Variants in FCHSD2 observed in about 807,000 individuals in gnomAD.
FCHSD2 encodes FCH and double SH3 domains 2.
A neutral mutation model predicts 108.1 loss-of-function variants in FCHSD2; 38 were observed. The ratio of observed to expected loss-of-function variants is 0.35; its 90% CI spans 0.27 to 0.46. The LOEUF (loss-of-function observed/expected upper bound fraction) is 0.46, where lower values mean the gene tolerates loss of function less well. Ranked by LOEUF, FCHSD2 falls within the 20% of genes least tolerant of loss-of-function variation. The pLI, the probability that FCHSD2 is intolerant of heterozygous loss-of-function variation, is 1.00. For synonymous variants in FCHSD2, 279 were observed against 314.7 expected (o/e 0.89, Z 1.20); for missense variants, 751 against 897.8 (o/e 0.84, Z 2.09).
chr11:72,985,163 A>G, intron 6 of FCHSD2, 47 bp from the exon 7 acceptor site: 2 of 520,414 alleles, frequency 3.8e-6, no homozygotes, highest in Non-Finnish European at 6.6e-6. Context: ...ATCTAATTAT[A>G]TCACAATAAA....
At chr11:73,048,201 G>C (rs1434797553) in intron 3 of FCHSD2, among the ~76,000 whole-genome samples, 1 of 152,154 alleles carries the variant, frequency 6.6e-6, no homozygotes, top group Admixed American at 6.5e-5. Flanking sequence ...AGAGCAGCAG[G>C]ATATTTCTGT....
At chr11:72,940,821 C>T (rs1856401702) in intron 8 of FCHSD2, 6 of 879,624 alleles carry the variant, frequency 6.8e-6, no homozygotes, top group African/African-American at 1.6e-5. Context: ...GAGCTGGATG[C>T]CACTGTGGGG....
At chr11:72,959,503 G>C (rs1187521785) in intron 8 of FCHSD2, among the ~76,000 whole-genome samples, 1 of 151,794 alleles carries the variant, frequency 6.6e-6, no homozygotes, top group Non-Finnish European at 1.5e-5. Context: ...CCAAAGTGCT[G>C]GGATAACAGG....
intron 2 of FCHSD2, among the ~76,000 whole-genome samples, chr11:73,112,736 C>A (rs1591563497): frequency 6.6e-6 from 1 of 152,188 alleles, no homozygotes; most frequent in East Asian, 1.9e-4. Flanking sequence ...ACAACCTCTG[C>A]CTCCCAAGTT....
At chr11:72,950,798 G>A (rs1286637928) in intron 8 of FCHSD2, among the ~76,000 whole-genome samples, 2 of 152,024 alleles carry the variant, frequency 1.3e-5, no homozygotes, top group East Asian at 1.9e-4. Flanking sequence ...TAGTAGTTGC[G>A]GTGGAAACTA....
chr11:72,901,225 T>A (rs1033685158), intron 10 of FCHSD2, among the ~76,000 whole-genome samples: 1 of 151,826 alleles, frequency 6.6e-6, no homozygotes, highest in Non-Finnish European at 1.5e-5. Context: ...GACCCCCCCA[T>A]CTCTATTGAA....
chr11:73,116,532 T>C (rs990863515), intron 2 of FCHSD2, among the ~76,000 whole-genome samples: 14 of 152,200 alleles, frequency 9.2e-5, no homozygotes, highest in Admixed American at 7.2e-4. Context: ...TAATTCCTTC[T>C]TTCGTTTTTG....
intron 12 of FCHSD2, among the ~76,000 whole-genome samples, chr11:72,887,142 T>C (rs1855215291): frequency 6.6e-6 from 1 of 151,586 alleles, no homozygotes. Context: ...TATATATATA[T>C]CTAAATTGAT....
intron 3 of FCHSD2, among the ~76,000 whole-genome samples, chr11:73,026,493 T>C (rs541363687): frequency 3.3e-5 from 5 of 152,290 alleles, no homozygotes; most frequent in African/African-American, 1.2e-4. Flanking sequence ...TAAAATTTAT[T>C]TTAAAATAAA....
chr11:73,066,823 T>C (rs1369791417), intron 3 of FCHSD2, among the ~76,000 whole-genome samples: 1 of 152,088 alleles, frequency 6.6e-6, no homozygotes, highest in Non-Finnish European at 1.5e-5. Context: ...CATTAAAAAG[T>C]CAGGAAACAA....
intron 3 of FCHSD2, among the ~76,000 whole-genome samples, chr11:73,061,762 T>C (rs1049205983): frequency 6.6e-6 from 1 of 152,052 alleles, no homozygotes; most frequent in Non-Finnish European, 1.5e-5. Flanking sequence ...CTGCCAGATT[T>C]CCCTTCTCTG....
chr11:72,995,949 A>C (rs890374532), intron 5 of FCHSD2, among the ~76,000 whole-genome samples: 2 of 152,162 alleles, frequency 1.3e-5, no homozygotes, highest in African/African-American at 4.8e-5. Context: ...GTCCAAACCC[A>C]GTTGTATAAT....
intron 14 of FCHSD2, among the ~76,000 whole-genome samples, chr11:72,845,424 C>A (rs1252674473): frequency 8.1e-6 from 1 of 124,112 alleles, no homozygotes; most frequent in Non-Finnish European, 1.6e-5. Flanking sequence ...GGTGACAGAG[C>A]AAGACCCTGT....
chr11:72,990,093 A>G (rs182265472), intron 5 of FCHSD2, among the ~76,000 whole-genome samples: 297 of 152,330 alleles, frequency 1.9e-3, no homozygotes, highest in Admixed American at 3.1e-3. Flanking sequence ...AAGATTCTGC[A>G]TGGACAGATA....
At chr11:73,023,875 A>G in intron 3 of FCHSD2, among the ~76,000 whole-genome samples, 2 of 152,198 alleles carry the variant, frequency 1.3e-5, no homozygotes, top group East Asian at 3.8e-4. Context: ...CTTAAAATGC[A>G]TTTTGTTAAG....
intron 8 of FCHSD2, among the ~76,000 whole-genome samples, chr11:72,943,011 G>A (rs560733171): frequency 6.6e-6 from 1 of 151,948 alleles, no homozygotes; most frequent in East Asian, 1.9e-4. Flanking sequence ...TTTCTTTTGA[G>A]ACAGAGTTTT....
chr11:73,028,242 G>GC (rs1858275338), intron 3 of FCHSD2, among the ~76,000 whole-genome samples: 1 of 152,216 alleles, frequency 6.6e-6, no homozygotes, highest in Non-Finnish European at 1.5e-5. Context: ...ACCCTGCAGA[G>GC]CCACAAGGAC....
intron 8 of FCHSD2, among the ~76,000 whole-genome samples, chr11:72,972,609 C>T (rs896386630): frequency 6.6e-6 from 1 of 152,142 alleles, no homozygotes; most frequent in African/African-American, 2.4e-5. Context: ...AAAAATATTT[C>T]GAAATAATTA....
At chr11:73,079,287 T>C (rs1336641334) in intron 3 of FCHSD2, among the ~76,000 whole-genome samples, 1 of 151,652 alleles carries the variant, frequency 6.6e-6, no homozygotes, top group Non-Finnish European at 1.5e-5. Flanking sequence ...ACCTCTGCCT[T>C]CTGGTTTCAA....
Sources: allele counts gnomAD v4.1 joint callset (sites outside exome capture counted in the v4.1 genomes callset), GRCh38; gene constraint gnomAD v4.1.1; transcripts MANE v1.5; gene names NCBI Gene and HGNC (gene_info 2026-07-23, HGNC 2026-07-21).